The following ZNF586 variants were observed in gnomAD, a reference collection of about 807,000 sequenced individuals.
ZNF586 encodes zinc finger protein 586.
Under a neutral mutation model 6.7 loss-of-function variants are expected in ZNF586, and 7 were observed. The ratio of observed to expected loss-of-function variants is 1.04; its 90% CI spans 0.59 to 1.95. The LOEUF is 1.95. Ranked by LOEUF, ZNF586 falls within the 30% of genes most tolerant of loss-of-function variation. The pLI is 0.00. For missense variants in ZNF586, 442 were observed against 489.6 expected, an observed-to-expected ratio of 0.90 and a Z score of 0.92; for synonymous variants, 166 against 168.7, an observed-to-expected ratio of 0.98 and a Z score of 0.12.
chr19:57,772,927 C>T (rs1314274374), intron 1 of ZNF586, among the ~76,000 whole-genome samples: 18 of 152,132 alleles, frequency 1.2e-4, no homozygotes, highest in Admixed American at 1.2e-3. Context: ...GTCTCTTTTC[C>T]CTGACCGGTC....
chr19:57,769,751 G>A lies in ZNF586; in HGVS notation c.-92G>A. The A allele has an allele frequency of 7.4e-7, 1 of 1,352,380 alleles. No individual in the cohort carries two copies. The highest frequency in any genetic ancestry group is 1.0e-6 in the Non-Finnish European group (1 of 974,088). The allele number at this position is 1,352,380 out of a possible 1,614,324, so 83.8% of individuals were successfully genotyped here. On this transcript the variant is annotated 5_prime_UTR_variant, in exon 1 of 3. Coordinates refer to ENST00000396154, the MANE Select transcript of ZNF586 (RefSeq NM_017652.4). ...TGGTTGTGGCCATTGCACACAGGCG[G>A]ATCTGAGGTTCGGCGACGCCGCTGG...
intron 1 of ZNF586, among the ~76,000 whole-genome samples, chr19:57,771,822 C>T (rs1452203519): frequency 6.6e-6 from 1 of 151,748 alleles, no homozygotes; most frequent in Non-Finnish European, 1.5e-5. Context: ...TTTAGAGGGG[C>T]AAGTCAATTT....
chr19:57,771,289 A>C (rs180779026), intron 1 of ZNF586, among the ~76,000 whole-genome samples: 1 of 134,814 alleles, frequency 7.4e-6, no homozygotes, highest in Non-Finnish European at 1.6e-5. Context: ...CGACAGAGAA[A>C]GACTCCGTCT....
chr19:57,769,903 T>TTGGCCCCC, intron 1 of ZNF586, 25 bp downstream of exon 1: 8 of 1,475,802 alleles, frequency 5.4e-6, no homozygotes, highest in Middle Eastern at 1.9e-4. Flanking sequence ...CTCCGGGCCT[T>TTGGCCCCC]ACCCACCCTA....
At chr19:57,774,675 T>G in intron 1 of ZNF586, 1 of 830,630 alleles carries the variant, frequency 1.2e-6, no homozygotes, top group Non-Finnish European at 1.5e-6. Flanking sequence ...GATTTATGCA[T>G]GGAGGGCGTC....
intron 1 of ZNF586, among the ~76,000 whole-genome samples, chr19:57,775,562 G>T (rs1272984753): frequency 6.7e-6 from 1 of 149,938 alleles, no homozygotes; most frequent in Non-Finnish European, 1.5e-5. Context: ...ACACCCTCTT[G>T]ATTGAGCAAA....
intron 2 of ZNF586, 107 bp downstream of exon 2, chr19:57,776,776 T>A: frequency 7.7e-7 from 1 of 1,299,090 alleles, no homozygotes. Context: ...ATTCTCCAGT[T>A]CTCTGGAGAG....
chr19:57,780,046 A>ATTTTT lies in ZNF586; in HGVS notation c.*250_*251insTTTTT, dbSNP rs1987348954. On this transcript the variant is annotated 3_prime_UTR_variant, in exon 3 of 3. Transcript: ENST00000396154. ...AGGAAAATACCACAGATGTGGAGGT[A>ATTTTT]ATATTATTTTTTCTTCAATATAACA... 2.0e-6 allele frequency: 1 copy of ATTTTT among 496,870 alleles called. No individual in the cohort carries two copies. Among genetic ancestry groups the ATTTTT allele is most frequent in the African/African-American group, 1.9e-5 (1 of 51,774 alleles). 30.8% of individuals were successfully genotyped at this position (496,870 alleles called of 1,614,324 possible). A position where few individuals can be genotyped will look rare whatever the true frequency, so the allele number is the denominator to read the frequency against.
intron 1 of ZNF586, among the ~76,000 whole-genome samples, chr19:57,770,128 T>C (rs1378942113): frequency 6.7e-6 from 1 of 148,768 alleles, no homozygotes; most frequent in Admixed American, 6.7e-5. Flanking sequence ...GTGTGTCTAC[T>C]GGGAAAGAAG....
intron 2 of ZNF586, among the ~76,000 whole-genome samples, chr19:57,777,982 C>G (rs1987277099): frequency 6.6e-6 from 1 of 151,536 alleles, no homozygotes; most frequent in Non-Finnish European, 1.5e-5. Context: ...TGGTCTTGAA[C>G]TGACCTCAGG....
Position 57,779,167 on chromosome 19 carries a change from A to G in ZNF586, c.580A>G (p.Ile194Val), listed in dbSNP as rs1173827636. The G allele has an allele frequency of 1.2e-6, 2 of 1,613,914 alleles. No homozygotes were observed. The highest frequency in any genetic ancestry group is 1.7e-6 in the Non-Finnish European group (2 of 1,179,978). ...GKAFAEKSSL[I>V]NHRKVHSGAK... is the part of the protein sequence containing the mutation. ...AGCCTTTGCTGAAAAGTCCAGTCTC[A>G]TTAACCACAGGAAAGTTCACTCTGG... Residue 194 changes from isoleucine (I) to valine (V), a missense_variant, in exon 3 of 3, where the codon ATT becomes GTT. Transcript: ENST00000396154.
chr19:57,769,677 C>T lies in ZNF586; in HGVS notation c.-166C>T, dbSNP rs1213849660. 7.1e-6 allele frequency: 5 copies of T among 707,782 alleles called. No individual in the cohort carries two copies. Among genetic ancestry groups the T allele is most frequent in the Non-Finnish European group, 1.2e-5 (5 of 424,940 alleles). 43.8% of individuals were successfully genotyped at this position (707,782 alleles called of 1,614,324 possible). On this transcript the variant is annotated 5_prime_UTR_variant, in exon 1 of 3. Transcript: ENST00000396154. ...GTCCTAGCCGTGGCAGCCATTTTGG[C>T]CTGTCAGGTCCATCCGGCGATGCTG...
intron 1 of ZNF586, among the ~76,000 whole-genome samples, chr19:57,771,854 T>C (rs1987105231): frequency 6.6e-6 from 1 of 152,144 alleles, no homozygotes; most frequent in African/African-American, 2.4e-5. Flanking sequence ...AGATGGAGTC[T>C]GGACCTGTTG....
In ZNF586 at chr19:57,769,753, T is replaced by A. The variant is rs1369229685; in HGVS notation, c.-90T>A. 4.4e-6 allele frequency: 6 copies of A among 1,367,864 alleles called. No homozygotes were observed. The highest frequency in any genetic ancestry group is 2.9e-5 in the African/African-American group (2 of 69,814). The allele number at this position is 1,367,864 out of a possible 1,614,324, so 84.7% of individuals were successfully genotyped here. A position where few individuals can be genotyped will look rare whatever the true frequency, so the allele number is the denominator to read the frequency against. On this transcript the variant is annotated 5_prime_UTR_variant, in exon 1 of 3. Coordinates refer to ENST00000396154, the MANE Select transcript of ZNF586 (RefSeq NM_017652.4). ...GTTGTGGCCATTGCACACAGGCGGA[T>A]CTGAGGTTCGGCGACGCCGCTGGTC...
chr19:57,780,005 C>T lies in ZNF586; in HGVS notation c.*209C>T, dbSNP rs1987348041. On this transcript the variant is annotated 3_prime_UTR_variant, in exon 3 of 3. Transcript: ENST00000396154. The stretch of plus-strand genomic sequence containing the variant: ...GCCTTCAGCCCTCTCTCATTGGTTA[C>T]CACAATATTTACATGAGGAAAATAC... 1.8e-6 allele frequency: 1 copy of T among 544,856 alleles called. No homozygotes were observed. Among genetic ancestry groups the T allele is most frequent in the African/African-American group, 1.9e-5 (1 of 53,234 alleles). 33.8% of individuals were successfully genotyped at this position (544,856 alleles called of 1,614,324 possible).
At position 57,779,755 on chromosome 19, in the gene ZNF586, C is replaced by T. The variant is rs1243894331; in HGVS notation, c.1168C>T (p.Arg390Cys). 9.3e-6 allele frequency: 15 copies of T among 1,609,468 alleles called. No homozygotes were observed. Among genetic ancestry groups the T allele is most frequent in the East Asian group, 2.2e-5 (1 of 44,850 alleles). ...KSFRHSSSFRRHQRVHTGMRP... is the reference protein window; with the variant it reads ...KSFRHSSSFRCHQRVHTGMRP... ...ATTTCGCCACAGTTCTTCGTTCCGT[C>T]GCCATCAGAGAGTTCATACTGGAAT... The change falls in exon 3 of 3, where the codon CGC (arginine) becomes TGC (cysteine). Residue 390 changes from arginine (R) to cysteine (C), a missense_variant. Arg to Cys is a radical substitution (Grantham distance 180). Transcript: ENST00000396154.
Position 57,779,735 on chromosome 19 carries a change from G to A in ZNF586, c.1148G>A (p.Arg383His), listed in dbSNP as rs761630226. 171 of 1,612,994 alleles carry A rather than the reference G, an allele frequency of 1.1e-4. 1 individual carries two copies. Among genetic ancestry groups the A allele is most frequent in the South Asian group, 5.8e-4 (53 of 91,016 alleles). The change falls in exon 3 of 3, where the codon CGC becomes CAC. Residue 383 changes from arginine to histidine, a missense_variant. By Grantham distance (29) the Arg-to-His change is conservative (BLOSUM62 0). Coordinates refer to ENST00000396154, the MANE Select transcript of ZNF586 (RefSeq NM_017652.4). ...TGCATTGATTGTGGAAAATCATTTC[G>A]CCACAGTTCTTCGTTCCGTCGCCAT... ...YECIDCGKSF[R>H]HSSSFRRHQR...
rs1287685280 is a variant in ZNF586 at position 57,780,387 on chromosome 19, C to T, written c.*591C>T. 6.6e-6 allele frequency: 1 copy of T among 152,408 alleles called. No individual in the cohort carries two copies. The highest frequency in any genetic ancestry group is 1.5e-5 in the Non-Finnish European group (1 of 68,242). 9.4% of individuals were successfully genotyped at this position (152,408 alleles called of 1,614,324 possible). On this transcript the variant is annotated 3_prime_UTR_variant, in exon 3 of 3. Coordinates refer to ENST00000396154, the MANE Select transcript of ZNF586 (RefSeq NM_017652.4). Reference sequence around the variant, plus strand: ...ATTTCTTTCTCTCCAATGAGTTAGGCCATGAACCTGACTCATTTTTGGCAC... The same window carrying T: ...ATTTCTTTCTCTCCAATGAGTTAGGTCATGAACCTGACTCATTTTTGGCAC...
rs372836707 is a variant in ZNF586, at chr19:57,769,711, C to T, written c.-132C>T. Reference sequence around the variant, plus strand: ...TCCATCCGGCGATGCTGGGTCTGGACGAGCTCGGGAGGAGTGGTTGTGGCC... The same window carrying T: ...TCCATCCGGCGATGCTGGGTCTGGATGAGCTCGGGAGGAGTGGTTGTGGCC... On this transcript the variant is annotated 5_prime_UTR_variant, in exon 1 of 3. It adds an upstream start codon to the 5' untranslated region. Coordinates refer to ENST00000396154, the MANE Select transcript of ZNF586 (RefSeq NM_017652.4). 72 of 969,342 alleles carry T rather than the reference C, an allele frequency of 7.4e-5. No homozygotes were observed. The South Asian group carries it at 9.5e-4, about 13-fold the overall frequency. The allele number at this position is 969,342 out of a possible 1,614,324, so 60.0% of individuals were successfully genotyped here. A position where few individuals can be genotyped will look rare whatever the true frequency, so the allele number is the denominator to read the frequency against.
Sources: gnomAD v4.1 joint callset for allele counts (sites outside exome capture counted in the v4.1 genomes callset) on GRCh38, gnomAD v4.1.1 for gene constraint, MANE v1.5 for transcripts, NCBI Gene and HGNC (gene_info 2026-07-23, HGNC 2026-07-21) for gene names.